The following CALM3 variants were observed in gnomAD, a reference collection of about 807,000 sequenced individuals.
The protein encoded by CALM3 is calmodulin-3.
A neutral mutation model predicts 20.1 loss-of-function variants in CALM3; 5 were observed. The observed-to-expected ratio is 0.25, with a 90% CI of 0.13 to 0.52. The LOEUF (loss-of-function observed/expected upper bound fraction) is 0.52. Among genes scored for constraint, CALM3 ranks in the 20% least tolerant of loss-of-function variants. CALM3 has a pLI of 0.96. For synonymous variants in CALM3, 69 were observed against 68.1 expected, an observed-to-expected ratio of 1.01 and a Z score of -0.06; for missense variants, 57 against 192.8, an observed-to-expected ratio of 0.30 and a Z score of 4.17.
At chr19:46,607,541 C>T (rs1971767523) in intron 2 of CALM3, among the ~76,000 whole-genome samples, 1 of 152,236 alleles carries the variant, frequency 6.6e-6, no homozygotes, top group African/African-American at 2.4e-5. Context: ...GCTCCTCATC[C>T]TCCTGGCTTG....
intron 1 of CALM3, chr19:46,602,299 G>T: frequency 1.0e-6 from 1 of 970,980 alleles, no homozygotes; most frequent in Non-Finnish European, 1.4e-6. Context: ...GTTACTAGTG[G>T]GTTAAGACTG....
rs769984453 is a variant in CALM3, at chr19:46,603,092, C to T, written c.3+1655C>T. ...CTTTCCTACTCCCTGCCACCCACAA[C>T]ACCCACAGCCCCACCAGGCTGAGCC... On this transcript the variant is annotated intron_variant, in intron 1 of 5. Transcript: ENST00000291295. Among the ~76,000 whole-genome samples the T allele has an allele frequency of 5.9e-5, 9 of 152,366 alleles. No individual in the cohort carries two copies. In the South Asian group the frequency reaches 1.9e-3, roughly 32 times the overall value.
chr19:46,603,949 C>G (rs1410028870), intron 1 of CALM3, among the ~76,000 whole-genome samples: 1 of 152,228 alleles, frequency 6.6e-6, no homozygotes, highest in East Asian at 1.9e-4. Flanking sequence ...TCACAGCCTC[C>G]TCGCCCCCAC....
intron 2 of CALM3, among the ~76,000 whole-genome samples, chr19:46,606,525 C>T (rs751235860): frequency 8.5e-5 from 13 of 152,168 alleles, no homozygotes; most frequent in Non-Finnish European, 1.6e-4. Flanking sequence ...CCTGTTGTAT[C>T]TCCTGTTACT....
chr19:46,602,214 A>G, intron 1 of CALM3: 1 of 1,354,384 alleles, frequency 7.4e-7, no homozygotes, highest in Non-Finnish European at 9.8e-7. Flanking sequence ...AGGGATGGTG[A>G]GAGTGGGGCT....
rs1568666528 is a variant in CALM3 at position 46,608,676 on chromosome 19, C to G, written c.285+88C>G. The G allele has an allele frequency of 3.8e-6, 5 of 1,321,844 alleles. No individual in the cohort carries two copies. The highest frequency in any genetic ancestry group is 5.3e-6 in the Non-Finnish European group (5 of 935,530). The allele number at this position is 1,321,844 out of a possible 1,614,324, so 81.9% of individuals were successfully genotyped here. A position where few individuals can be genotyped will look rare whatever the true frequency, so the allele number is the denominator to read the frequency against. On this transcript the variant is annotated intron_variant, in intron 4 of 5. Coordinates refer to ENST00000291295, the MANE Select transcript of CALM3 (RefSeq NM_005184.4). This position sits in a 1 kb window ranked among gnomAD's most constrained non-coding sequence, Gnocchi z 5.5. The stretch of plus-strand genomic sequence containing the variant: ...ACTGGAGCCACGGAGCTACCACTTC[C>G]AGGAGGTCCGGGTCCCGGTGCCAGC...
Position 46,608,611 on chromosome 19 carries a change from G to C in CALM3, c.285+23G>C. On this transcript the variant is annotated intron_variant, in intron 4 of 5. Coordinates refer to ENST00000291295, the MANE Select transcript of CALM3 (RefSeq NM_005184.4). This position sits in a 1 kb window ranked among gnomAD's most constrained non-coding sequence, Gnocchi z 5.5. Reference sequence around the variant, plus strand: ...AAGGTAAGCAGCCCTCTCCAGGGGCGGCTCTGAGACTGACGCCAGCCTTCA... The same window carrying C: ...AAGGTAAGCAGCCCTCTCCAGGGGCCGCTCTGAGACTGACGCCAGCCTTCA... 1 of 1,569,126 alleles carries C rather than the reference G, an allele frequency of 6.4e-7. No individual in the cohort carries two copies. The highest frequency in any genetic ancestry group is 8.8e-7 in the Non-Finnish European group (1 of 1,139,382).
Position 46,608,719 on chromosome 19 carries a change from C to T in CALM3, c.286-127C>T. On this transcript the variant is annotated intron_variant, in intron 4 of 5. Coordinates refer to ENST00000291295, the MANE Select transcript of CALM3 (RefSeq NM_005184.4). The surrounding 1 kb of genome is among the most constrained non-coding windows in gnomAD (Gnocchi z 5.5). The stretch of plus-strand genomic sequence containing the variant: ...GTGCCAGCCTCATTGCCAACCTGCT[C>T]TGCCACCTCAGGCAGCCTCCCTCAC... 1.5e-6 allele frequency: 2 copies of T among 1,298,332 alleles called. No homozygotes were observed. The highest frequency in any genetic ancestry group is 2.1e-6 in the Non-Finnish European group (2 of 936,478). 80.4% of individuals were successfully genotyped at this position (1,298,332 alleles called of 1,614,324 possible). A position where few individuals can be genotyped will look rare whatever the true frequency, so the allele number is the denominator to read the frequency against.
At chr19:46,607,468 C>T (rs1403332180) in intron 2 of CALM3, among the ~76,000 whole-genome samples, 1 of 152,194 alleles carries the variant, frequency 6.6e-6, no homozygotes, top group African/African-American at 2.4e-5. Flanking sequence ...GGGCAAGAGC[C>T]ATGTGCTTTT....
At position 46,601,965 on chromosome 19, in the gene CALM3, TG is replaced by T. The variant is rs1971629179; in HGVS notation, c.3+531del. Reference sequence around the variant, plus strand: ...GGCCCGGGCGGGGAGGGGCGACCCCTGGGCTCCTGTGGAGCAGAGGAGAGGG... The same window carrying T: ...GGCCCGGGCGGGGAGGGGCGACCCCTGGCTCCTGTGGAGCAGAGGAGAGGG... On this transcript the variant is annotated intron_variant, in intron 1 of 5. Coordinates refer to ENST00000291295, the MANE Select transcript of CALM3 (RefSeq NM_005184.4). This position sits in a 1 kb window ranked among gnomAD's most constrained non-coding sequence, Gnocchi z 4.2. The T allele has an allele frequency of 3.4e-5, 19 of 557,476 alleles. No homozygotes were observed. In the South Asian group the frequency reaches 3.4e-4, roughly 10 times the overall value. The allele number at this position is 557,476 out of a possible 1,614,324, so 34.5% of individuals were successfully genotyped here.
Position 46,605,808 on chromosome 19 carries a change from C to T in CALM3, c.4-19C>T. 1 of 1,613,902 alleles carries T rather than the reference C, an allele frequency of 6.2e-7. No homozygotes were observed. Among genetic ancestry groups the T allele is most frequent in the Non-Finnish European group, 8.5e-7 (1 of 1,179,788 alleles). On this transcript the variant is annotated intron_variant, in intron 1 of 5. Transcript: ENST00000291295. The surrounding 1 kb of genome is among the most constrained non-coding windows in gnomAD (Gnocchi z 4.1). Reference sequence around the variant, plus strand: ...GCTGTCCGGCCTGGTGACTGACTTTCCCCTTCATGCTTTTACAGGCTGACC... The same window carrying T: ...GCTGTCCGGCCTGGTGACTGACTTTTCCCTTCATGCTTTTACAGGCTGACC...
At chr19:46,602,976 A>C (rs1192393667) in intron 1 of CALM3, among the ~76,000 whole-genome samples, 1 of 152,170 alleles carries the variant, frequency 6.6e-6, no homozygotes, top group Non-Finnish European at 1.5e-5. Flanking sequence ...AGACCCCTTG[A>C]TCGGCCTGAG....
At position 46,606,722 on chromosome 19, in the gene CALM3, A is replaced by G. The variant is rs1387465497; in HGVS notation, c.34+865A>G. On this transcript the variant is annotated intron_variant, in intron 2 of 5. Transcript: ENST00000291295. ...TTTTCTAACCCCTCCAAAACCCCAG[A>G]AGGGTCAGCTACAGGAACTATTGTG... 3.3e-5 allele frequency among the ~76,000 whole-genome samples: 5 copies of G among 152,296 alleles called. No homozygotes were observed. The East Asian group carries it at 9.6e-4, about 29-fold the overall frequency.
intron 2 of CALM3, among the ~76,000 whole-genome samples, chr19:46,606,806 A>C (rs545651955): frequency 1.3e-5 from 2 of 152,292 alleles, no homozygotes; most frequent in East Asian, 3.9e-4. Context: ...GACAGAGAGC[A>C]ACTCTTGGTT....
At chr19:46,604,554 T>TG (rs1971701779) in intron 1 of CALM3, among the ~76,000 whole-genome samples, 1 of 151,466 alleles carries the variant, frequency 6.6e-6, no homozygotes, top group Admixed American at 6.6e-5. Flanking sequence ...TAGGTTTTTT[T>TG]TTTTTTTTTC....
intron 2 of CALM3, among the ~76,000 whole-genome samples, chr19:46,607,289 A>C (rs989425039): frequency 6.6e-6 from 1 of 151,968 alleles, no homozygotes; most frequent in African/African-American, 2.4e-5. Flanking sequence ...CCCATCTCCC[A>C]ACTCTGGCCT....
rs1215076777 is a variant in CALM3 at position 46,601,824 on chromosome 19, G to C, written c.3+387G>C. On this transcript the variant is annotated intron_variant, in intron 1 of 5. Transcript: ENST00000291295. This position sits in a 1 kb window ranked among gnomAD's most constrained non-coding sequence, Gnocchi z 4.2. ...CCAGGGGACGAAATAAGAAAGATGG[G>C]CTGGGGAGGGGAGCTATTCGGGCCC... is the stretch of plus-strand genomic sequence containing the variant. Among the ~76,000 whole-genome samples the C allele has an allele frequency of 6.6e-6, 1 of 152,096 alleles. No individual in the cohort carries two copies. Among genetic ancestry groups the C allele is most frequent in the African/African-American group, 2.4e-5 (1 of 41,404 alleles).
At position 46,605,348 on chromosome 19, in the gene CALM3, C is replaced by G. The variant is rs1971719895; in HGVS notation, c.4-479C>G. ...AGAGATAGCCCCAGACATCGTCCCT[C>G]TGCCCTACCCAAGGACTGGCCTGCT... On this transcript the variant is annotated intron_variant, in intron 1 of 5. Coordinates refer to ENST00000291295, the MANE Select transcript of CALM3 (RefSeq NM_005184.4). This position sits in a 1 kb window ranked among gnomAD's most constrained non-coding sequence, Gnocchi z 4.1. 1 of 155,248 alleles carries G rather than the reference C, an allele frequency of 6.4e-6. No homozygotes were observed. Among genetic ancestry groups the G allele is most frequent in the Non-Finnish European group, 1.4e-5 (1 of 70,110 alleles). The allele number at this position is 155,248 out of a possible 1,614,324, so 9.6% of individuals were successfully genotyped here.
intron 1 of CALM3, among the ~76,000 whole-genome samples, chr19:46,603,687 ATCT>A (rs1418452929): frequency 1.3e-5 from 2 of 152,230 alleles, no homozygotes; most frequent in Non-Finnish European, 2.9e-5. Flanking sequence ...GATCAATGAT[ATCT>A]TCTTAGGCGG....
Sources: allele counts gnomAD v4.1 joint callset (sites outside exome capture counted in the v4.1 genomes callset), GRCh38; gene constraint gnomAD v4.1.1; non-coding constraint Gnocchi (gnomAD v3.1); transcripts MANE v1.5; gene names NCBI Gene and HGNC (gene_info 2026-07-23, HGNC 2026-07-21).